The following ACTN1 variants were observed in gnomAD, a reference collection of about 807,000 sequenced individuals.
ACTN1 encodes alpha-actinin-1.
ACTN1 carries 30 observed loss-of-function variants against 119.6 expected under a neutral mutation model. The ratio of observed to expected loss-of-function variants is 0.25; its 90% CI spans 0.19 to 0.34. The LOEUF is 0.34. Ranked by LOEUF, ACTN1 falls within the 10% of genes least tolerant of loss-of-function variation. The probability of loss-of-function intolerance (pLI) is 1.00; values close to 1 mark genes in which losing one functional copy is unlikely to be tolerated. For synonymous variants in ACTN1, 429 were observed against 472.6 expected (o/e 0.91, Z 1.20); for missense variants, 764 against 1,223.4 (o/e 0.62, Z 5.60).
intron 1 of ACTN1, chr14:68,936,783 C>T: frequency 1.6e-6 from 1 of 610,556 alleles, no homozygotes; most frequent in Non-Finnish European, 3.2e-6. Flanking sequence ...CCAGGAATGG[C>T]TGAAGGACAC....
intron 3 of ACTN1, among the ~76,000 whole-genome samples, chr14:68,919,872 A>T (rs2034546750): frequency 6.6e-6 from 1 of 152,230 alleles, no homozygotes; most frequent in South Asian, 2.1e-4. Flanking sequence ...ATTTCCAAAA[A>T]TCCAAATCAG....
At position 68,909,300 on chromosome 14, in the gene ACTN1, T is replaced by A. The variant is rs777252760; in HGVS notation, c.594+18A>T. 12 of 1,612,988 alleles carry A rather than the reference T, an allele frequency of 7.4e-6. No individual in the cohort carries two copies. The South Asian group carries it at 1.2e-4, about 16-fold the overall frequency. Reference sequence around the variant, plus strand: ...CCTGCCAGGGACCCAAAGCGGGTGGTCAGGTGGGCACACATACCTTCCGCA... The same window carrying A: ...CCTGCCAGGGACCCAAAGCGGGTGGACAGGTGGGCACACATACCTTCCGCA... On this transcript the variant is annotated intron_variant, in intron 6 of 21. Transcript: ENST00000394419. The surrounding 1 kb of genome is among the most constrained non-coding windows in gnomAD (Gnocchi z 4.1).
chr14:68,935,340 T>C (rs1345778967), intron 1 of ACTN1, among the ~76,000 whole-genome samples: 1 of 151,166 alleles, frequency 6.6e-6, no homozygotes, highest in Non-Finnish European at 1.5e-5. Flanking sequence ...TTGGTTTTTA[T>C]GATGATCTGC....
intron 1 of ACTN1, among the ~76,000 whole-genome samples, chr14:68,961,620 T>A (rs929566145): frequency 2.2e-4 from 34 of 152,136 alleles, no homozygotes; most frequent in African/African-American, 7.7e-4. Flanking sequence ...CCCCAGTGGG[T>A]GGTGCCATGG....
At chr14:68,955,442 G>C (rs1305353202) in intron 1 of ACTN1, among the ~76,000 whole-genome samples, 1 of 152,182 alleles carries the variant, frequency 6.6e-6, no homozygotes, top group Non-Finnish European at 1.5e-5. Flanking sequence ...AAGAAAGCTA[G>C]AACCCAGACA....
At chr14:68,967,665 G>A (rs1344411025) in intron 1 of ACTN1, among the ~76,000 whole-genome samples, 2 of 152,250 alleles carry the variant, frequency 1.3e-5, no homozygotes, top group African/African-American at 2.4e-5. Flanking sequence ...TACTAACTGG[G>A]CAAGGCAATG....
intron 1 of ACTN1, among the ~76,000 whole-genome samples, chr14:68,971,453 G>GT (rs1189253722): frequency 1.3e-5 from 2 of 152,206 alleles, no homozygotes; most frequent in African/African-American, 4.8e-5. Flanking sequence ...TTACCTCCGA[G>GT]TACCTTGGGC....
intron 14 of ACTN1, among the ~76,000 whole-genome samples, 186 bp downstream of exon 14, chr14:68,883,982 A>AT (rs1249512340): frequency 5.3e-5 from 8 of 152,028 alleles, no homozygotes; most frequent in Non-Finnish European, 1.2e-4. Context: ...AACCTTTTTA[A>AT]TTTTTTTTAA....
chr14:68,949,563 A>G (rs1211108205), intron 1 of ACTN1, among the ~76,000 whole-genome samples: 5 of 152,230 alleles, frequency 3.3e-5, no homozygotes, highest in Admixed American at 2.0e-4. Flanking sequence ...TGAGAAGCAC[A>G]ACCAGTAACA....
intron 13 of ACTN1, 101 bp downstream of exon 13, chr14:68,884,674 C>G (rs2031846075): frequency 1.9e-6 from 2 of 1,035,816 alleles, no homozygotes; most frequent in African/African-American, 1.6e-5. Context: ...TCTGGGGAAG[C>G]CATAGAGTCT....
intron 1 of ACTN1, among the ~76,000 whole-genome samples, chr14:68,950,575 T>G (rs1594862647): frequency 6.6e-6 from 1 of 151,582 alleles, no homozygotes; most frequent in East Asian, 1.9e-4. Flanking sequence ...CTTTTTTTTT[T>G]TTTTGAGACG....
At chr14:68,959,836 A>C (rs1172333433) in intron 1 of ACTN1, among the ~76,000 whole-genome samples, 1 of 152,052 alleles carries the variant, frequency 6.6e-6, no homozygotes, top group Admixed American at 6.5e-5. Flanking sequence ...CGACCCTCAC[A>C]CTCCCACTAT....
intron 1 of ACTN1, among the ~76,000 whole-genome samples, chr14:68,948,479 G>A (rs1427247240): frequency 4.6e-5 from 7 of 152,168 alleles, no homozygotes; most frequent in African/African-American, 1.7e-4. Context: ...TTGGGAGGCT[G>A]AGGCAGGAGA....
In ACTN1 at chr14:68,882,712, T is replaced by C. The variant is rs540002249; in HGVS notation, c.1819-120A>G. The C allele has an allele frequency of 6.6e-7, 1 of 1,523,420 alleles. No homozygotes were observed. Among genetic ancestry groups the C allele is most frequent in the South Asian group, 1.2e-5 (1 of 81,602 alleles). 94.4% of individuals were successfully genotyped at this position (1,523,420 alleles called of 1,614,324 possible). On this transcript the variant is annotated intron_variant, in intron 15 of 21. Transcript: ENST00000394419. The surrounding 1 kb of genome is among the most constrained non-coding windows in gnomAD (Gnocchi z 4.5). The stretch of plus-strand genomic sequence containing the variant: ...GTCAGTAACAGAACAGGAGTAAAGG[T>C]GTCAACCTGTTCTGGAAACCCAGTC...
intron 1 of ACTN1, among the ~76,000 whole-genome samples, chr14:68,945,156 T>G (rs1594855782): frequency 1.3e-5 from 1 of 77,564 alleles, no homozygotes. Context: ...AGAGTAAGAC[T>G]CCGGTTCAAA....
intron 3 of ACTN1, among the ~76,000 whole-genome samples, chr14:68,918,783 A>AGGACTGCC (rs1318067465): frequency 6.6e-6 from 1 of 151,006 alleles, no homozygotes; most frequent in African/African-American, 2.4e-5. Context: ...CTGGGGAGGC[A>AGGACTGCC]GCACTGCCGA....
intron 1 of ACTN1, among the ~76,000 whole-genome samples, chr14:68,932,590 C>T (rs984307693): frequency 7.7e-6 from 1 of 129,940 alleles, no homozygotes; most frequent in African/African-American, 2.9e-5. Context: ...TGGTCTCAAA[C>T]TTTGGGCCTC....
At chr14:68,968,558 T>G (rs2036776598) in intron 1 of ACTN1, among the ~76,000 whole-genome samples, 1 of 152,176 alleles carries the variant, frequency 6.6e-6, no homozygotes, top group African/African-American at 2.4e-5. Flanking sequence ...ACACCAAACT[T>G]GGAACAGCGG....
Position 68,925,517 on chromosome 14 carries a change from C to A in ACTN1, c.220+41G>T. On this transcript the variant is annotated intron_variant, in intron 2 of 21. Transcript: ENST00000394419. This position sits in a 1 kb window ranked among gnomAD's most constrained non-coding sequence, Gnocchi z 4.3. ...GCAGATGCCAAGGTGTCAGGCAGCA[C>A]CAATAGACAGTATCTCGTCCTGGGC... 2 of 1,553,408 alleles carry A rather than the reference C, an allele frequency of 1.3e-6. No individual in the cohort carries two copies. Among genetic ancestry groups the A allele is most frequent in the Non-Finnish European group, 1.8e-6 (2 of 1,132,496 alleles).
Sources: allele counts gnomAD v4.1 joint callset (sites outside exome capture counted in the v4.1 genomes callset), GRCh38; gene constraint gnomAD v4.1.1; non-coding constraint Gnocchi (gnomAD v3.1); transcripts MANE v1.5; gene names NCBI Gene and HGNC (gene_info 2026-07-23, HGNC 2026-07-21).